The following LGALS14 variants were observed in gnomAD, a reference collection of about 807,000 sequenced individuals.
The protein encoded by LGALS14 is placental protein 13-like.
In LGALS14, 14 loss-of-function variants were observed where a neutral mutation model predicts 14.6. The ratio of observed to expected loss-of-function variants is 0.96; its 90% confidence interval spans 0.64 to 1.50. The LOEUF is 1.50. Ranked by LOEUF, LGALS14 falls within the 40% of genes most tolerant of loss-of-function variation. The probability of loss-of-function intolerance (pLI) is 0.00; values close to 1 mark genes in which losing one functional copy is unlikely to be tolerated. For missense variants in LGALS14, 180 were observed against 172.0 expected (o/e 1.05, Z -0.26); for synonymous variants, 57 against 63.9 (o/e 0.89, Z 0.51).
intron 1 of LGALS14, 104 bp downstream of exon 1, chr19:39,704,647 T>A: frequency 9.4e-7 from 1 of 1,064,398 alleles, no homozygotes; most frequent in South Asian, 1.4e-5. Context: ...CTACTGTGAA[T>A]GCATTACCGA....
At position 39,709,362 on chromosome 19, in the gene LGALS14, A is replaced by T. The variant is rs778587459; in HGVS notation, c.*49A>T. The T allele has an allele frequency of 1.9e-6, 2 of 1,062,940 alleles. No individual in the cohort carries two copies. The highest frequency in any genetic ancestry group is 3.1e-5 in the African/African-American group (2 of 63,838). The allele number at this position is 1,062,940 out of a possible 1,614,324, so 65.8% of individuals were successfully genotyped here. On this transcript the variant is annotated 3_prime_UTR_variant, in exon 4 of 4. Transcript: ENST00000392052. ...GTTGAGGAATCCCTCTTTCTACCTG[A>T]CCATGGGATTCCCAGAGCCTACTAA...
intron 1 of LGALS14, chr19:39,706,108 C>A (rs1973711741): frequency 2.0e-6 from 3 of 1,500,254 alleles, no homozygotes; most frequent in Non-Finnish European, 2.7e-6. Context: ...TTTTTAAATT[C>A]TTTCACCCTC....
chr19:39,705,803 C>T lies in LGALS14; in HGVS notation c.16-794C>T, dbSNP rs1427335542. 2.2e-6 allele frequency: 3 copies of T among 1,363,632 alleles called. No homozygotes were observed. The South Asian group carries it at 3.9e-5, about 18-fold the overall frequency. The allele number at this position is 1,363,632 out of a possible 1,614,324, so 84.5% of individuals were successfully genotyped here. On this transcript the variant is annotated intron_variant, in intron 1 of 3. Coordinates refer to ENST00000392052, the MANE Select transcript of LGALS14 (RefSeq NM_020129.3). ...GATGTTTCAGTGAGCTGTGATTGCA[C>T]CACTGCATATCAGCCTGGGTGACAG... is the stretch of plus-strand genomic sequence containing the variant.
At chr19:39,707,415 T>G in intron 3 of LGALS14, 27 bp downstream of exon 3, 1 of 1,580,694 alleles carries the variant, frequency 6.3e-7, no homozygotes. Context: ...CTTCCAGCGC[T>G]GGAGCTCTGT....
chr19:39,708,575 C>A (rs1038698505), intron 3 of LGALS14, among the ~76,000 whole-genome samples: 1 of 152,208 alleles, frequency 6.6e-6, no homozygotes, highest in African/African-American at 2.4e-5. Flanking sequence ...AGTTTCCATT[C>A]TTTTTGGCTT....
chr19:39,706,487 GC>G (rs1198565027), intron 1 of LGALS14, 109 bp from the exon 2 acceptor site: 2 of 761,454 alleles, frequency 2.6e-6, no homozygotes, highest in Non-Finnish European at 4.6e-6. Flanking sequence ...AAGGGGAGAG[GC>G]CTCAGAGTCT....
At chr19:39,706,218 C>T (rs1973713132) in intron 1 of LGALS14, among the ~76,000 whole-genome samples, 1 of 152,102 alleles carries the variant, frequency 6.6e-6, no homozygotes, top group Non-Finnish European at 1.5e-5. Context: ...CCTATACATG[C>T]CAGGGATTAG....
intron 3 of LGALS14, 108 bp from the exon 4 acceptor site, chr19:39,709,089 A>T: frequency 1.3e-6 from 1 of 771,414 alleles, no homozygotes; most frequent in Non-Finnish European, 2.4e-6. Context: ...CACTTGTGTA[A>T]CTAGGAGTTT....
rs757707242 is a variant in LGALS14 at position 39,709,285 on chromosome 19, CCCTGA to C, written c.395_399del (p.Leu132GlnfsTer32). 7.5e-6 allele frequency: 12 copies of C among 1,606,332 alleles called. No individual in the cohort carries two copies. The South Asian group carries it at 1.2e-4, about 16-fold the overall frequency. On this transcript the variant is annotated frameshift_variant, in exon 4 of 4. Transcript: ENST00000392052. LOFTEE classifies it high-confidence loss of function. The stretch of plus-strand genomic sequence containing the variant: ...ATGCTGCAAGTCTTCAGAGATATCT[CCCTGA>C]CCAGAGTGCTTATCAGCGATTGAGG...
In LGALS14 at chr19:39,706,636, T is replaced by G. The variant is rs781220938; in HGVS notation, c.55T>G (p.Cys19Gly). ...TLPVSLPVGSCVIITGTPILT... is the reference protein window; with the variant it reads ...TLPVSLPVGSGVIITGTPILT... ...GCCTGTTTCCTTGCCTGTTGGTTCGTGCGTGATAATCACAGGGACACCGAT... is the reference window on the plus strand; with the variant it reads ...GCCTGTTTCCTTGCCTGTTGGTTCGGGCGTGATAATCACAGGGACACCGAT... The change falls in exon 2 of 4, where the codon TGC (cysteine) becomes GGC (glycine). Residue 19 changes from cysteine to glycine, a missense_variant. Coordinates refer to ENST00000392052, the MANE Select transcript of LGALS14 (RefSeq NM_020129.3). 3 of 1,614,020 alleles carry G rather than the reference T, an allele frequency of 1.9e-6. No individual in the cohort carries two copies. The highest frequency in any genetic ancestry group is 1.7e-4 in the Middle Eastern group (1 of 6,058).
At chr19:39,704,831 G>T (rs1233755068) in intron 1 of LGALS14, among the ~76,000 whole-genome samples, 1 of 152,146 alleles carries the variant, frequency 6.6e-6, no homozygotes, top group Non-Finnish European at 1.5e-5. Context: ...GACCCACCAG[G>T]ACCGGCAAGT....
intron 1 of LGALS14, among the ~76,000 whole-genome samples, chr19:39,706,392 A>G (rs1973715068): frequency 6.6e-6 from 1 of 152,202 alleles, no homozygotes; most frequent in African/African-American, 2.4e-5. Flanking sequence ...ACTGGAATCC[A>G]GGCATCCGGG....
chr19:39,704,656 G>C (rs139087297), intron 1 of LGALS14, 113 bp downstream of exon 1: 3 of 973,848 alleles, frequency 3.1e-6, no homozygotes, highest in Admixed American at 2.1e-5. Context: ...ATGCATTACC[G>C]AGAGTTGTGG....
rs757343048 is a variant in LGALS14, at chr19:39,707,308, G to A, written c.223G>A (p.Glu75Lys). Residue 75 changes from glutamate to lysine, a missense_variant, in exon 3 of 4, where the codon GAG (glutamate) becomes AAG (lysine). By Grantham distance (56) the Glu-to-Lys change is moderately conservative. Transcript: ENST00000392052. ...NSCVFGIWRYEEKCYYLPFED... is the reference protein window; with the variant it reads ...NSCVFGIWRYKEKCYYLPFED... Reference sequence around the variant, plus strand: ...TTGTGTGTTTGGCATATGGAGATATGAGGAGAAATGCTACTATTTACCCTT... The same window carrying A: ...TTGTGTGTTTGGCATATGGAGATATAAGGAGAAATGCTACTATTTACCCTT... 2.5e-6 allele frequency: 4 copies of A among 1,614,014 alleles called. No individual in the cohort carries two copies. In the Admixed American group the frequency reaches 5.0e-5, roughly 20 times the overall value.
In LGALS14 at chr19:39,707,249, G is replaced by A. The variant is rs775909811; in HGVS notation, c.164G>A (p.Arg55Gln). The change falls in exon 3 of 4, where the codon CGA becomes CAA. Residue 55 changes from arginine to glutamine, a missense_variant. Physicochemically the swap from Arg to Gln is conservative, Grantham distance 43 (BLOSUM62 1). Transcript: ENST00000392052. The part of the protein sequence containing the change: ...DEDSDIAFQF[R>Q]LHFGHPAIMN... ...GACTCAGATATTGCTTTCCAATTCC[G>A]ACTGCACTTTGGTCATCCTGCAATC... The A allele has an allele frequency of 8.1e-6, 13 of 1,614,082 alleles. No individual in the cohort carries two copies. Among genetic ancestry groups the A allele is most frequent in the South Asian group, 7.7e-5 (7 of 91,070 alleles).
chr19:39,707,068 C>T (rs756464360), intron 2 of LGALS14, 110 bp from the exon 3 acceptor site: 9 of 818,460 alleles, frequency 1.1e-5, no homozygotes, highest in South Asian at 3.1e-5. Flanking sequence ...GCAGTATCAT[C>T]GGGGAGACTT....
At position 39,709,294 on chromosome 19, in the gene LGALS14, G is replaced by C. The variant is rs572516322; in HGVS notation, c.401G>C (p.Arg134Thr). 3.6e-5 allele frequency: 58 copies of C among 1,598,976 alleles called. No individual in the cohort carries two copies. Among genetic ancestry groups the C allele is most frequent in the Non-Finnish European group, 4.6e-5 (54 of 1,166,486 alleles). ...LQVFRDISLT[R>T]VLISD ...GTCTTCAGAGATATCTCCCTGACCAGAGTGCTTATCAGCGATTGAGGGAGA... is the reference window on the plus strand; with the variant it reads ...GTCTTCAGAGATATCTCCCTGACCACAGTGCTTATCAGCGATTGAGGGAGA... The change falls in exon 4 of 4, where the codon AGA becomes ACA. Residue 134 changes from arginine (R) to threonine (T), a missense_variant. Transcript: ENST00000392052.
chr19:39,709,029 A>C (rs1973758500), intron 3 of LGALS14, among the ~76,000 whole-genome samples, 168 bp from the exon 4 acceptor site: 1 of 152,208 alleles, frequency 6.6e-6, no homozygotes, highest in African/African-American at 2.4e-5. Flanking sequence ...TCTGTCTCAA[A>C]TAGGCACGAA....
intron 3 of LGALS14, among the ~76,000 whole-genome samples, chr19:39,708,944 G>A (rs1002442612): frequency 1.3e-5 from 2 of 152,190 alleles, no homozygotes; most frequent in East Asian, 1.9e-4. Context: ...AAGGGAGGCC[G>A]AGTAAACGGA....
Sources: allele counts gnomAD v4.1 joint callset (sites outside exome capture counted in the v4.1 genomes callset), GRCh38; gene constraint gnomAD v4.1.1; transcripts MANE v1.5; gene names NCBI Gene and HGNC (gene_info 2026-07-23, HGNC 2026-07-21).